NTRK3: variants seen among roughly 807,000 people sequenced by gnomAD.
NTRK3 encodes the protein NT-3 growth factor receptor.
Under a neutral mutation model 91.7 loss-of-function variants are expected in NTRK3, and 24 were observed. The ratio of observed to expected loss-of-function variants is 0.26; its 90% confidence interval spans 0.19 to 0.37. NTRK3 has a LOEUF of 0.37. NTRK3 is among the 10% of genes least tolerant of loss of function. NTRK3 has a pLI of 1.00. For missense variants in NTRK3, 880 were observed against 1,068.9 expected, an observed-to-expected ratio of 0.82 and a Z score of 2.46; for synonymous variants, 483 against 404.0, an observed-to-expected ratio of 1.20 and a Z score of -2.34.
At chr15:88,135,779 C>A (rs907791227) in intron 9 of NTRK3, 120 bp downstream of exon 9, 17 of 1,349,474 alleles carry the variant, frequency 1.3e-5, no homozygotes, top group Non-Finnish European at 1.6e-5. Context: ...GTCCTTCTGT[C>A]CCTACTGGTA....
chr15:87,972,320 T>C (rs1218013866), intron 14 of NTRK3, among the ~76,000 whole-genome samples: 1 of 152,030 alleles, frequency 6.6e-6, no homozygotes, highest in Non-Finnish European at 1.5e-5. Context: ...CAAAGCCAGG[T>C]TTGGTAGTGT....
chr15:88,042,943 T>G (rs1032815990), intron 13 of NTRK3, among the ~76,000 whole-genome samples: 14 of 152,250 alleles, frequency 9.2e-5, no homozygotes, highest in Non-Finnish European at 1.8e-4. Flanking sequence ...CAGTATTGTT[T>G]TTCTAACAAC....
At chr15:87,946,507 G>A (rs1011507620) in intron 14 of NTRK3, among the ~76,000 whole-genome samples, 13 of 152,188 alleles carry the variant, frequency 8.5e-5, no homozygotes, top group East Asian at 1.9e-4. Context: ...TGGGGACCAC[G>A]TGTGTGGACA....
At chr15:88,155,417 C>T (rs2043796889) in intron 5 of NTRK3, among the ~76,000 whole-genome samples, 1 of 152,018 alleles carries the variant, frequency 6.6e-6, no homozygotes, top group Admixed American at 6.5e-5. Flanking sequence ...GAAATGCTGA[C>T]CTCCCTACAC....
At chr15:88,162,834 C>A (rs1359704380) in intron 5 of NTRK3, among the ~76,000 whole-genome samples, 1 of 152,144 alleles carries the variant, frequency 6.6e-6, no homozygotes, top group Non-Finnish European at 1.5e-5. Flanking sequence ...TCCCACCCAG[C>A]CTTTCCCTCC....
At chr15:87,931,640 T>C (rs1464620728) in intron 16 of NTRK3, among the ~76,000 whole-genome samples, 1 of 152,182 alleles carries the variant, frequency 6.6e-6, no homozygotes, top group Non-Finnish European at 1.5e-5. Context: ...AGGAAAGGAA[T>C]CCATTTCATT....
chr15:87,922,882 A>G (rs1252890891), intron 17 of NTRK3, among the ~76,000 whole-genome samples: 1 of 152,122 alleles, frequency 6.6e-6, no homozygotes, highest in Admixed American at 6.6e-5. Context: ...CCTCCACCCA[A>G]TTCATAGGAT....
chr15:88,184,324 G>T (rs199751794), intron 3 of NTRK3, 25 bp from the exon 4 acceptor site: 1 of 1,611,240 alleles, frequency 6.2e-7, no homozygotes, highest in Admixed American at 1.7e-5. Context: ...GAAAGGTAAC[G>T]GTCAGCCAGA....
At position 87,966,059 on chromosome 15, in the gene NTRK3, T is replaced by C. The variant is rs552997014; in HGVS notation, c.1586-25306A>G. Among the ~76,000 whole-genome samples, 13 of 150,580 alleles carry C rather than the reference T, an allele frequency of 8.6e-5. No individual in the cohort carries two copies. The East Asian group carries it at 9.7e-4, about 11-fold the overall frequency. ...CACCACTGCATTCCAGCCTGGATGA[T>C]AGAGCAAAACTGTCTCAAACAAACA... On this transcript the variant is annotated intron_variant, in intron 14 of 18. Coordinates refer to ENST00000394480, the Ensembl canonical transcript of NTRK3.
intron 5 of NTRK3, among the ~76,000 whole-genome samples, chr15:88,173,418 C>T (rs2045710686): frequency 6.6e-6 from 1 of 152,166 alleles, no homozygotes; most frequent in Admixed American, 6.5e-5. Context: ...GCCCCATGCT[C>T]CCTGGAAATG....
intron 13 of NTRK3, among the ~76,000 whole-genome samples, chr15:88,062,161 A>G: frequency 6.6e-6 from 1 of 152,184 alleles, no homozygotes; most frequent in South Asian, 2.1e-4. Flanking sequence ...ACCATTTTAC[A>G]TCAGGGACTT....
chr15:88,253,479 G>A lies in NTRK3; in HGVS notation c.248+2427C>T, dbSNP rs1105693. Reference sequence around the variant, plus strand: ...GGGATGGGGATGCTGACTTTCCGGGGTAAGCGTGACTCTCCGCCCTCTCTC... The same window carrying A: ...GGGATGGGGATGCTGACTTTCCGGGATAAGCGTGACTCTCCGCCCTCTCTC... On this transcript the variant is annotated intron_variant, in intron 3 of 18. Transcript: ENST00000394480. The A allele has an allele frequency of 0.33, 49,737 of 152,174 alleles. 8,253 individuals carry two copies. The highest frequency in any genetic ancestry group is 0.38 in the African/African-American group (15,677 of 41,480). The allele number at this position is 152,174 out of a possible 1,614,324, so 9.4% of individuals were successfully genotyped here. A position where few individuals can be genotyped will look rare whatever the true frequency, so the allele number is the denominator to read the frequency against.
intron 3 of NTRK3, among the ~76,000 whole-genome samples, chr15:88,231,842 C>T (rs955465670): frequency 2.0e-5 from 3 of 152,182 alleles, no homozygotes; most frequent in African/African-American, 7.2e-5. Context: ...GGGATTTTTT[C>T]CTGGTTGCTG....
At chr15:87,926,240 C>A (rs2068296108) in intron 17 of NTRK3, among the ~76,000 whole-genome samples, 1 of 152,144 alleles carries the variant, frequency 6.6e-6, no homozygotes, top group Non-Finnish European at 1.5e-5. Context: ...TCTACTTCTG[C>A]CTTTCATTTT....
intron 14 of NTRK3, among the ~76,000 whole-genome samples, chr15:87,959,586 C>G (rs1181608929): frequency 2.6e-5 from 4 of 152,210 alleles, no homozygotes; most frequent in African/African-American, 7.2e-5. Context: ...AGCATAGATT[C>G]TACCAGCAAA....
chr15:87,896,196 G>A (rs2066112976), intron 17 of NTRK3, among the ~76,000 whole-genome samples: 1 of 152,178 alleles, frequency 6.6e-6, no homozygotes, highest in Admixed American at 6.5e-5. Flanking sequence ...TTACAGGCCA[G>A]GTGCAGTGGC....
intron 17 of NTRK3, among the ~76,000 whole-genome samples, chr15:87,889,184 T>G (rs1301260923): frequency 6.6e-6 from 1 of 152,078 alleles, no homozygotes; most frequent in African/African-American, 2.4e-5. Context: ...AAGCCTGTTT[T>G]CTGGTGTGAA....
chr15:88,029,013 A>G (rs527251977), intron 14 of NTRK3, among the ~76,000 whole-genome samples: 2 of 152,322 alleles, frequency 1.3e-5, no homozygotes, highest in South Asian at 4.1e-4. Context: ...GCTTCTCCCA[A>G]GTGACCCATC....
At chr15:87,933,412 C>T (rs1468627078) in intron 15 of NTRK3, among the ~76,000 whole-genome samples, 1 of 152,240 alleles carries the variant, frequency 6.6e-6, no homozygotes, top group Non-Finnish European at 1.5e-5. Flanking sequence ...CATCCACATC[C>T]CGTGCACTCT....
Sources: allele counts gnomAD v4.1 joint callset (sites outside exome capture counted in the v4.1 genomes callset), GRCh38; gene constraint gnomAD v4.1.1; transcripts MANE v1.5; gene names NCBI Gene and HGNC (gene_info 2026-07-23, HGNC 2026-07-21).